Variants in SUN2 observed in about 807,000 individuals in gnomAD.
The protein encoded by SUN2 is SUN domain-containing protein 2.
In SUN2, 60 loss-of-function variants were observed where a neutral mutation model predicts 100.0. That is an observed-to-expected ratio of 0.60 (90% CI 0.49 to 0.74). The LOEUF (loss-of-function observed/expected upper bound fraction) is 0.74, where lower values mean the gene tolerates loss of function less well. Ranked by LOEUF, SUN2 falls within the 30% of genes least tolerant of loss-of-function variation. SUN2 has a pLI of 0.00. For missense variants in SUN2, 834 were observed against 954.6 expected, an observed-to-expected ratio of 0.87 and a Z score of 1.66; for synonymous variants, 367 against 403.3, an observed-to-expected ratio of 0.91 and a Z score of 1.08.
intron 1 of SUN2, chr22:38,754,638 C>G: frequency 7.8e-7 from 1 of 1,286,628 alleles, no homozygotes; most frequent in East Asian, 5.6e-5. Flanking sequence ...CGTACGGTCC[C>G]TACCTGAAGG....
At chr22:38,745,476 T>A (rs1391890119) in intron 8 of SUN2, among the ~76,000 whole-genome samples, 1 of 152,218 alleles carries the variant, frequency 6.6e-6, no homozygotes, top group South Asian at 2.1e-4. Flanking sequence ...AGTAAATATT[T>A]GTGAAACAGC....
Position 38,742,503 on chromosome 22 carries a change from G to T in SUN2, c.866C>A (p.Ala289Asp). 6.2e-7 allele frequency: 1 copy of T among 1,613,438 alleles called. No individual in the cohort carries two copies. Among genetic ancestry groups the T allele is most frequent in the Non-Finnish European group, 8.5e-7 (1 of 1,180,042 alleles). The change falls in exon 9 of 18, where the codon GCT (alanine) becomes GAT (aspartate). Residue 289 changes from alanine to aspartate, a missense_variant. Coordinates refer to ENST00000689035, the MANE Select transcript of SUN2 (RefSeq NM_015374.3). ...RVHSLERRLE[A>D]LAAEFSSNWQ... ...GTTGGAGGAAAATTCAGCAGCAAGA[G>T]CTTCCAGACGCCGCTCCAGAGAGTG...
chr22:38,740,563 A>T lies in SUN2; in HGVS notation c.1191-131T>A, dbSNP rs2092847940. The T allele has an allele frequency of 3.0e-6, 3 of 995,884 alleles. No homozygotes were observed. Among genetic ancestry groups the T allele is most frequent in the East Asian group, 5.8e-5 (2 of 34,704 alleles). The allele number at this position is 995,884 out of a possible 1,614,324, so 61.7% of individuals were successfully genotyped here. ...GTGCCCAGCACTCATTGTGAACCTG[A>T]GAAGGGGCAAGGCCTCTCCTGGGGG... On this transcript the variant is annotated intron_variant, in intron 11 of 17. Transcript: ENST00000689035. This position sits in a 1 kb window ranked among gnomAD's most constrained non-coding sequence, Gnocchi z 4.8.
In SUN2 at chr22:38,736,391, A is replaced by G; in HGVS notation, c.2041-11T>C. On this transcript the variant is annotated splice_polypyrimidine_tract_variant and intron_variant, in intron 17 of 17. Transcript: ENST00000689035. ...GGCCATCGTAGGGGCCTGGGTAGAGAAGAAAGGGATTAAGAGCATCAGAGA... is the reference window on the plus strand; with the variant it reads ...GGCCATCGTAGGGGCCTGGGTAGAGGAGAAAGGGATTAAGAGCATCAGAGA... 1 of 1,607,054 alleles carries G rather than the reference A, an allele frequency of 6.2e-7. No individual in the cohort carries two copies. Among genetic ancestry groups the G allele is most frequent in the Non-Finnish European group, 8.5e-7 (1 of 1,176,334 alleles).
Position 38,739,997 on chromosome 22 carries a change from C to A in SUN2, c.1357-54G>T. The A allele has an allele frequency of 6.4e-7, 1 of 1,574,232 alleles. No individual in the cohort carries two copies. Among genetic ancestry groups the A allele is most frequent in the Non-Finnish European group, 8.6e-7 (1 of 1,158,668 alleles). On this transcript the variant is annotated intron_variant, in intron 12 of 17. Coordinates refer to ENST00000689035, the MANE Select transcript of SUN2 (RefSeq NM_015374.3). The surrounding 1 kb of genome is among the most constrained non-coding windows in gnomAD (Gnocchi z 6.7). ...GGGGGGCTTGCAGGGACAGCAGGAGCTGCTATGACAGGGCTAGTGCTTAGC... is the reference window on the plus strand; with the variant it reads ...GGGGGGCTTGCAGGGACAGCAGGAGATGCTATGACAGGGCTAGTGCTTAGC...
In SUN2 at chr22:38,753,113, C is replaced by T. The variant is rs116009820; in HGVS notation, c.-37-448G>A. Among the ~76,000 whole-genome samples the T allele has an allele frequency of 9.5e-3, 1,440 of 152,200 alleles. 27 individuals carry two copies. The highest frequency in any genetic ancestry group is 0.034 in the African/African-American group (1,402 of 41,522). On this transcript the variant is annotated intron_variant, in intron 1 of 17. Transcript: ENST00000689035. ...TCTCCCTAGAGACTTCTCCCAGTCTCGCTCTAGCTGTGTCCCTTTGCTGAC... is the reference window on the plus strand; with the variant it reads ...TCTCCCTAGAGACTTCTCCCAGTCTTGCTCTAGCTGTGTCCCTTTGCTGAC...
At position 38,739,155 on chromosome 22, in the gene SUN2, A is replaced by G; in HGVS notation, c.1664-167T>C. The G allele has an allele frequency of 1.1e-6, 1 of 906,496 alleles. No homozygotes were observed. Among genetic ancestry groups the G allele is most frequent in the Non-Finnish European group, 1.7e-6 (1 of 575,280 alleles). The allele number at this position is 906,496 out of a possible 1,614,324, so 56.2% of individuals were successfully genotyped here. A position where few individuals can be genotyped will look rare whatever the true frequency, so the allele number is the denominator to read the frequency against. ...TTAAAGGTCAGCCTCTCCCTGGCCC[A>G]GGATGGTACTCGGTACGTCCTGACT... On this transcript the variant is annotated intron_variant, in intron 14 of 17. Transcript: ENST00000689035. This position sits in a 1 kb window ranked among gnomAD's most constrained non-coding sequence, Gnocchi z 6.7.
At chr22:38,746,130 C>G (rs547642055) in intron 7 of SUN2, among the ~76,000 whole-genome samples, 2 of 152,338 alleles carry the variant, frequency 1.3e-5, no homozygotes, top group South Asian at 4.1e-4. Context: ...TGGTGGTTCT[C>G]AGCCCTGTCT....
At chr22:38,754,008 A>G (rs1003160050) in intron 1 of SUN2, among the ~76,000 whole-genome samples, 1 of 152,228 alleles carries the variant, frequency 6.6e-6, no homozygotes, top group African/African-American at 2.4e-5. Context: ...TTGTTAGCAA[A>G]CTAACAAAAT....
intron 6 of SUN2, among the ~76,000 whole-genome samples, chr22:38,749,492 G>A (rs1569303697): frequency 6.6e-6 from 1 of 152,220 alleles, no homozygotes; most frequent in Non-Finnish European, 1.5e-5. Flanking sequence ...CTAGACTAGT[G>A]TGGCGTTTAG....
At chr22:38,742,655 G>A in intron 8 of SUN2, 100 bp from the exon 9 acceptor site, 1 of 1,446,042 alleles carries the variant, frequency 6.9e-7, no homozygotes, top group Non-Finnish European at 9.2e-7. Context: ...AAAGGGAAAA[G>A]ATTCCAGAGA....
At chr22:38,749,234 G>A (rs1341158527) in intron 6 of SUN2, among the ~76,000 whole-genome samples, 1 of 152,204 alleles carries the variant, frequency 6.6e-6, no homozygotes, top group Non-Finnish European at 1.5e-5. Context: ...TGGGTTCCGT[G>A]TTCTTCTGCC....
In SUN2 at chr22:38,755,785, C is replaced by A; in HGVS notation, c.-60G>T. On this transcript the variant is annotated 5_prime_UTR_variant, in exon 1 of 18. Transcript: ENST00000689035. This position sits in a 1 kb window ranked among gnomAD's most constrained non-coding sequence, Gnocchi z 5.7. The stretch of plus-strand genomic sequence containing the variant: ...CACCTGCTGCCGCGGCGGCTTCTAG[C>A]CCGGCCGGGGGCGTCCGAGGCCAGG... 1.0e-6 allele frequency: 1 copy of A among 984,576 alleles called. No individual in the cohort carries two copies. The highest frequency in any genetic ancestry group is 4.7e-5 in the South Asian group (1 of 21,292). The allele number at this position is 984,576 out of a possible 1,614,324, so 61.0% of individuals were successfully genotyped here.
intron 1 of SUN2, chr22:38,754,968 G>T (rs2092974678): frequency 7.8e-7 from 1 of 1,289,086 alleles, no homozygotes; most frequent in Admixed American, 2.3e-5. Flanking sequence ...TGAGCCTCTG[G>T]GAGCTGAAAT....
chr22:38,755,880 C>A lies in SUN2; in HGVS notation c.-155G>T. On this transcript the variant is annotated 5_prime_UTR_variant, in exon 1 of 18. Transcript: ENST00000689035. The surrounding 1 kb of genome is among the most constrained non-coding windows in gnomAD (Gnocchi z 5.7). ...CGGCGCTCCGCTCAGGGCGACACAGCGGCCGGGCCCGGGGCGCGCGGGCAC... is the reference window on the plus strand; with the variant it reads ...CGGCGCTCCGCTCAGGGCGACACAGAGGCCGGGCCCGGGGCGCGCGGGCAC... 5 of 982,132 alleles carry A rather than the reference C, an allele frequency of 5.1e-6. No homozygotes were observed. In the South Asian group the frequency reaches 1.9e-4, roughly 37 times the overall value. The allele number at this position is 982,132 out of a possible 1,614,324, so 60.8% of individuals were successfully genotyped here.
chr22:38,742,771 A>G, intron 8 of SUN2: 1 of 589,526 alleles, frequency 1.7e-6, no homozygotes, highest in Non-Finnish European at 2.9e-6. Context: ...TGCCGGCCAC[A>G]GAGGAAGGTC....
In SUN2 at chr22:38,748,726, C is replaced by T. The variant is rs767229084; in HGVS notation, c.672G>A (p.Thr224=). Residue 224 remains threonine, a synonymous_variant, in exon 7 of 18, where the codon ACG becomes ACA. Coordinates refer to ENST00000689035, the MANE Select transcript of SUN2 (RefSeq NM_015374.3). ...LWFLLPLLLL[T]CLTYGAWYFY... ...ATGCAGGCTCACCATACGTCAGGCACGTCAGCAAGAGCAGCGGCAGCAGGA... is the reference window on the plus strand; with the variant it reads ...ATGCAGGCTCACCATACGTCAGGCATGTCAGCAAGAGCAGCGGCAGCAGGA... 8.3e-5 allele frequency: 134 copies of T among 1,614,110 alleles called. No individual in the cohort carries two copies. Among genetic ancestry groups the T allele is most frequent in the Admixed American group, 3.8e-4 (23 of 60,014 alleles).
intron 7 of SUN2, among the ~76,000 whole-genome samples, chr22:38,746,532 C>A (rs1341146349): frequency 6.6e-6 from 1 of 152,320 alleles, no homozygotes; most frequent in East Asian, 1.9e-4. Context: ...GAAGCTCATG[C>A]CCATGGGGCT....
chr22:38,748,663 C>CT lies in SUN2; in HGVS notation c.685+49dup, dbSNP rs780090330. The CT allele has an allele frequency of 1.9e-6, 3 of 1,600,906 alleles. No individual in the cohort carries two copies. The African/African-American group carries it at 4.0e-5, about 21-fold the overall frequency. ...CCTGCCTGCCAAAGGTCACCACCCT[C>CT]TGGTGAACACATCTCTGTGCCTCCC... is the stretch of plus-strand genomic sequence containing the variant. On this transcript the variant is annotated intron_variant, in intron 7 of 17. Transcript: ENST00000689035.
Sources: allele counts gnomAD v4.1 joint callset (sites outside exome capture counted in the v4.1 genomes callset), GRCh38; gene constraint gnomAD v4.1.1; non-coding constraint Gnocchi (gnomAD v3.1); transcripts MANE v1.5; gene names NCBI Gene and HGNC (gene_info 2026-07-23, HGNC 2026-07-21).